The following RGS7 variants were observed in gnomAD, a reference collection of about 807,000 sequenced individuals.
RGS7 encodes regulator of G protein signaling 7.
RGS7 carries 27 observed loss-of-function variants against 81.1 expected under a neutral mutation model. That is an observed-to-expected ratio of 0.33 (90% confidence interval 0.25 to 0.46). The LOEUF (loss-of-function observed/expected upper bound fraction) is 0.46, where lower values mean the gene tolerates loss of function less well. Among genes scored for constraint, RGS7 ranks in the 20% least tolerant of loss-of-function variants. The pLI is 1.00. For synonymous variants in RGS7, 208 were observed against 207.7 expected (o/e 1.00, Z -0.01); for missense variants, 396 against 607.4 (o/e 0.65, Z 3.66).
intron 6 of RGS7, among the ~76,000 whole-genome samples, chr1:240,897,591 T>C (rs1270547227): frequency 6.6e-6 from 1 of 152,212 alleles, no homozygotes; most frequent in African/African-American, 2.4e-5. Context: ...CTTTTATTGA[T>C]TTGCTTATGT....
chr1:241,283,885 C>T (rs2078657413), intron 2 of RGS7, among the ~76,000 whole-genome samples: 2 of 152,148 alleles, frequency 1.3e-5, no homozygotes, highest in Non-Finnish European at 2.9e-5. Flanking sequence ...CTTTCCTGTG[C>T]CTTCTTCATT....
At chr1:241,127,588 T>C (rs1181310844) in intron 2 of RGS7, among the ~76,000 whole-genome samples, 3 of 152,046 alleles carry the variant, frequency 2.0e-5, no homozygotes, top group African/African-American at 7.3e-5. Flanking sequence ...ATATACCTAA[T>C]GCTAAATGAC....
chr1:241,122,844 A>C (rs2066384959), intron 2 of RGS7, among the ~76,000 whole-genome samples: 1 of 152,214 alleles, frequency 6.6e-6, no homozygotes, highest in Non-Finnish European at 1.5e-5. Flanking sequence ...CTATGCTGAA[A>C]GTGAAAAACA....
chr1:241,261,464 T>C (rs917643509), intron 2 of RGS7, among the ~76,000 whole-genome samples: 23 of 144,936 alleles, frequency 1.6e-4, no homozygotes, highest in African/African-American at 5.6e-4. Context: ...TACTAAAAAA[T>C]AAAAAAAAAA....
At chr1:240,915,492 A>G (rs1672456872) in intron 6 of RGS7, among the ~76,000 whole-genome samples, 1 of 151,904 alleles carries the variant, frequency 6.6e-6, no homozygotes, top group East Asian at 1.9e-4. Context: ...GCCTTATTTA[A>G]GAAGAAGTTT....
chr1:240,801,719 T>C (rs1688056951), intron 16 of RGS7, among the ~76,000 whole-genome samples: 1 of 152,122 alleles, frequency 6.6e-6, no homozygotes, highest in Admixed American at 6.6e-5. Context: ...CCAAAAACTT[T>C]CCTTGTACAA....
intron 2 of RGS7, among the ~76,000 whole-genome samples, chr1:241,171,960 G>C (rs2070764965): frequency 6.6e-6 from 1 of 151,602 alleles, no homozygotes; most frequent in Non-Finnish European, 1.5e-5. Flanking sequence ...TAGATTTAGT[G>C]TCTGTGCTCT....
chr1:240,870,246 G>A, intron 6 of RGS7, 127 bp from the exon 7 acceptor site: 2 of 776,328 alleles, frequency 2.6e-6, no homozygotes, highest in Non-Finnish European at 4.5e-6. Flanking sequence ...CATTTTCTTA[G>A]ACAAAAAATA....
chr1:241,324,136 CAAT>C (rs1291941936), intron 2 of RGS7, among the ~76,000 whole-genome samples: 3 of 152,132 alleles, frequency 2.0e-5, no homozygotes, highest in Admixed American at 6.5e-5. Flanking sequence ...ATGGTGACAA[CAAT>C]GATGATAATT....
At chr1:240,901,377 T>G (rs757966191) in intron 6 of RGS7, among the ~76,000 whole-genome samples, 1 of 152,184 alleles carries the variant, frequency 6.6e-6, no homozygotes, top group Non-Finnish European at 1.5e-5. Context: ...TCGCTCATGC[T>G]GGGAGCTGTA....
intron 4 of RGS7, among the ~76,000 whole-genome samples, chr1:240,981,103 T>G (rs557454141): frequency 1.1e-3 from 172 of 151,978 alleles, no homozygotes; most frequent in African/African-American, 3.7e-3. Context: ...TTCAGGTTTT[T>G]TTTGTTTGTT....
chr1:240,974,063 T>C (rs1215093011), intron 4 of RGS7, among the ~76,000 whole-genome samples: 1 of 152,224 alleles, frequency 6.6e-6, no homozygotes, highest in Admixed American at 6.5e-5. Flanking sequence ...GGGAGGCAGA[T>C]GACAGACTCT....
chr1:241,019,826 A>G (rs569442665), intron 3 of RGS7, among the ~76,000 whole-genome samples: 1 of 152,348 alleles, frequency 6.6e-6, no homozygotes, highest in Non-Finnish European at 1.5e-5. Flanking sequence ...ATGCATGTGC[A>G]TGTGTCTATA....
chr1:240,853,516 T>C (rs1363526809), intron 9 of RGS7, among the ~76,000 whole-genome samples: 3 of 152,096 alleles, frequency 2.0e-5, no homozygotes, highest in Admixed American at 6.6e-5. Flanking sequence ...ACAGTAACAA[T>C]AGTCAGAAGA....
chr1:240,789,573 G>A (rs977420452), intron 18 of RGS7, among the ~76,000 whole-genome samples: 30 of 152,202 alleles, frequency 2.0e-4, no homozygotes, highest in Non-Finnish European at 2.6e-4. Context: ...TGAAATGGCC[G>A]CTTTGGGGAT....
Position 240,868,146 on chromosome 1 carries a change from GAAAGAA to G in RGS7, c.609+435_609+440del, listed in dbSNP as rs746081968. Among the ~76,000 whole-genome samples the G allele has an allele frequency of 0.13, 17,694 of 131,780 alleles. 1,296 individuals carry two copies. The highest frequency in any genetic ancestry group is 0.27 in the African/African-American group (7,343 of 26,998). The allele number at this position is 131,780 out of a possible 152,430, so 86.5% of individuals were successfully genotyped here. On this transcript the variant is annotated intron_variant, in intron 9 of 18. Transcript: ENST00000440928. This position sits in a 1 kb window ranked among gnomAD's most constrained non-coding sequence, Gnocchi z 5.1. The stretch of plus-strand genomic sequence containing the variant: ...AGAAAGAAAGAAAGAAAGAAAGAAA[GAAAGAA>G]AGAAAGGACGGAGGGAGGGAAGGAC...
At chr1:241,086,840 C>T (rs1035188710) in intron 3 of RGS7, among the ~76,000 whole-genome samples, 1 of 152,110 alleles carries the variant, frequency 6.6e-6, no homozygotes, top group Admixed American at 6.5e-5. Context: ...TCCCAGAGCT[C>T]GCCAGACCCT....
chr1:241,002,035 G>C (rs1325207645), intron 3 of RGS7, among the ~76,000 whole-genome samples: 2 of 152,136 alleles, frequency 1.3e-5, no homozygotes, highest in African/African-American at 4.8e-5. Context: ...TACTACTCTG[G>C]TTGGGACTTG....
chr1:240,850,915 A>C (rs1168378023), intron 9 of RGS7, among the ~76,000 whole-genome samples: 1 of 152,286 alleles, frequency 6.6e-6, no homozygotes, highest in South Asian at 2.1e-4. Flanking sequence ...GAAATAAGGA[A>C]GCTGAAGAAA....
Sources: allele counts gnomAD v4.1 joint callset (sites outside exome capture counted in the v4.1 genomes callset), GRCh38; gene constraint gnomAD v4.1.1; non-coding constraint Gnocchi (gnomAD v3.1); transcripts MANE v1.5; gene names NCBI Gene and HGNC (gene_info 2026-07-23, HGNC 2026-07-21).